The following UBA6 variants were observed in gnomAD, a reference collection of about 807,000 sequenced individuals.
UBA6 encodes ubiquitin-like modifier-activating enzyme 6.
In UBA6, 87 loss-of-function variants were observed where a neutral mutation model predicts 148.3. The ratio of observed to expected loss-of-function variants is 0.59; its 90% confidence interval spans 0.49 to 0.70. The LOEUF is 0.70. Ranked by LOEUF, UBA6 falls within the 30% of genes least tolerant of loss-of-function variation. The pLI, the probability that UBA6 is intolerant of heterozygous loss-of-function variation, is 0.00. For synonymous variants in UBA6, 376 were observed against 401.0 expected (o/e 0.94, Z 0.75); for missense variants, 1,186 against 1,241.2 (o/e 0.96, Z 0.67).
intron 28 of UBA6, 116 bp downstream of exon 28, chr4:67,626,244 C>T: frequency 1.5e-6 from 1 of 674,386 alleles, no homozygotes; most frequent in Non-Finnish European, 2.6e-6. Flanking sequence ...TGAAATCAAT[C>T]AATATTGTCA....
rs1411168792 is a variant in UBA6 at position 67,635,323 on chromosome 4, T to C, written c.1842+130A>G. The C allele has an allele frequency of 3.8e-6, 2 of 528,688 alleles. 1 individual carries two copies. Among genetic ancestry groups the C allele is most frequent in the Middle Eastern group, 7.4e-4 (2 of 2,704 alleles). The allele number at this position is 528,688 out of a possible 1,614,324, so 32.7% of individuals were successfully genotyped here. ...TCAATTATATTTTAAAAAATGTACA[T>C]GCACATATGTATGAACATCATTGGC... On this transcript the variant is annotated intron_variant, in intron 20 of 32. Coordinates refer to ENST00000322244, the MANE Select transcript of UBA6 (RefSeq NM_018227.6).
chr4:67,656,388 A>G (rs1279141332), intron 13 of UBA6, among the ~76,000 whole-genome samples: 3 of 152,356 alleles, frequency 2.0e-5, no homozygotes, highest in Admixed American at 6.5e-5. Flanking sequence ...ATGCAAATCA[A>G]TAAATGTAAT....
At chr4:67,668,756 CAA>C (rs1450537854) in intron 8 of UBA6, 82 bp from the exon 9 acceptor site, 41 of 1,341,820 alleles carry the variant, frequency 3.1e-5, no homozygotes, top group African/African-American at 2.5e-4. Flanking sequence ...GCAAAAATGA[CAA>C]AGTTACCATA....
chr4:67,655,396 C>T (rs562181195), intron 13 of UBA6, among the ~76,000 whole-genome samples: 4,468 of 152,170 alleles, frequency 0.029, 104 homozygotes, highest in Middle Eastern at 0.075. Flanking sequence ...CACTCAAAAC[C>T]GCACAACTAC....
At chr4:67,661,856 A>AT in intron 13 of UBA6, 1 of 321,714 alleles carries the variant, frequency 3.1e-6, no homozygotes, top group Non-Finnish European at 5.4e-6. Context: ...GCTAACATAT[A>AT]TAAGTTTAAG....
chr4:67,690,939 T>C (rs1730680099), intron 2 of UBA6, among the ~76,000 whole-genome samples: 1 of 152,150 alleles, frequency 6.6e-6, no homozygotes, highest in African/African-American at 2.4e-5. Flanking sequence ...AGCAATTCCA[T>C]TTTGGGTTAT....
At chr4:67,628,625 G>A (rs773531050) in intron 27 of UBA6, among the ~76,000 whole-genome samples, 3 of 151,430 alleles carry the variant, frequency 2.0e-5, no homozygotes, top group Non-Finnish European at 4.4e-5. Context: ...GTCCCTCTCC[G>A]CCCAAAATAC....
Position 67,633,406 on chromosome 4 carries a change from C to A in UBA6, c.2081G>T (p.Arg694Ile). 6.2e-7 allele frequency: 1 copy of A among 1,610,856 alleles called. No individual in the cohort carries two copies. Among genetic ancestry groups the A allele is most frequent in the Non-Finnish European group, 8.5e-7 (1 of 1,179,012 alleles). Reference protein sequence around the residue: ...QVIKLLSRRPRNWSQCVELAR... With the variant: ...QVIKLLSRRPINWSQCVELAR... ...TAATTCTACACACTGGGACCAATTT[C>A]TAGGTCTTCTGCTAAGTAACTTTAT... Residue 694 changes from arginine (R) to isoleucine (I), a missense_variant, in exon 23 of 33, where the codon AGA becomes ATA. Coordinates refer to ENST00000322244, the MANE Select transcript of UBA6 (RefSeq NM_018227.6).
At chr4:67,637,226 G>A (rs1204627789) in intron 19 of UBA6, among the ~76,000 whole-genome samples, 1 of 151,372 alleles carries the variant, frequency 6.6e-6, no homozygotes, top group Non-Finnish European at 1.5e-5. Context: ...AGGGAGGTGG[G>A]GGGCAGCACC....
rs1005868626 is a variant in UBA6, at chr4:67,615,568, T to C, written c.*3429A>G. 2.0e-5 allele frequency: 3 copies of C among 152,196 alleles called. No individual in the cohort carries two copies. The highest frequency in any genetic ancestry group is 7.2e-5 in the African/African-American group (3 of 41,450). The allele number at this position is 152,196 out of a possible 1,614,324, so 9.4% of individuals were successfully genotyped here. A position where few individuals can be genotyped will look rare whatever the true frequency, so the allele number is the denominator to read the frequency against. On this transcript the variant is annotated 3_prime_UTR_variant, in exon 33 of 33. Coordinates refer to ENST00000322244, the MANE Select transcript of UBA6 (RefSeq NM_018227.6). ...ACTCCTAAATATATACTCTTTGTAC[T>C]AGGAGTTACATAAAATGATGTTCAT...
Position 67,633,422 on chromosome 4 carries a change from G to A in UBA6, c.2065C>T (p.Leu689Phe). Residue 689 changes from leucine to phenylalanine, a missense_variant, in exon 23 of 33, where the codon CTT becomes TTT. Coordinates refer to ENST00000322244, the MANE Select transcript of UBA6 (RefSeq NM_018227.6). ...LEGCFQVIKLLSRRPRNWSQC... is the reference protein window; with the variant it reads ...LEGCFQVIKLFSRRPRNWSQC... Reference sequence around the variant, plus strand: ...GACCAATTTCTAGGTCTTCTGCTAAGTAACTTTATAACTTGAAAACAGCCT... The same window carrying A: ...GACCAATTTCTAGGTCTTCTGCTAAATAACTTTATAACTTGAAAACAGCCT... 1.9e-6 allele frequency: 3 copies of A among 1,610,254 alleles called. No homozygotes were observed. The highest frequency in any genetic ancestry group is 2.2e-5 in the South Asian group (2 of 90,562).
At chr4:67,656,044 T>A (rs1729681377) in intron 13 of UBA6, among the ~76,000 whole-genome samples, 1 of 152,058 alleles carries the variant, frequency 6.6e-6, no homozygotes, top group Non-Finnish European at 1.5e-5. Flanking sequence ...GGGCAATAAT[T>A]AATAGCCTAC....
Position 67,616,392 on chromosome 4 carries a change from AATGTTCC to A in UBA6, c.*2598_*2604del, listed in dbSNP as rs1728627194. The A allele has an allele frequency of 6.0e-6, 2 of 330,808 alleles. No individual in the cohort carries two copies. The highest frequency in any genetic ancestry group is 1.1e-5 in the Non-Finnish European group (2 of 184,086). 20.5% of individuals were successfully genotyped at this position (330,808 alleles called of 1,614,324 possible). A position where few individuals can be genotyped will look rare whatever the true frequency, so the allele number is the denominator to read the frequency against. Reference sequence around the variant, plus strand: ...ATAAAATAAACATAGTTGCTTTTTTAATGTTCCATGAATATCACCAGAGTGTGACATA... The same window carrying A: ...ATAAAATAAACATAGTTGCTTTTTTAATGAATATCACCAGAGTGTGACATA... On this transcript the variant is annotated 3_prime_UTR_variant, in exon 33 of 33. Coordinates refer to ENST00000322244, the MANE Select transcript of UBA6 (RefSeq NM_018227.6).
chr4:67,641,011 T>C (rs889986441), intron 18 of UBA6, 140 bp downstream of exon 18: 11 of 632,102 alleles, frequency 1.7e-5, no homozygotes, highest in Non-Finnish European at 2.7e-5. Context: ...ATATTTTCCC[T>C]TTTGTCATTT....
chr4:67,687,123 C>A (rs1730591499), intron 2 of UBA6, among the ~76,000 whole-genome samples: 1 of 146,590 alleles, frequency 6.8e-6, no homozygotes, highest in Admixed American at 6.9e-5. Context: ...GCAACCTCTG[C>A]CTCCCGGGTT....
chr4:67,678,357 C>A, intron 5 of UBA6, 82 bp downstream of exon 5: 1 of 769,888 alleles, frequency 1.3e-6, no homozygotes, highest in Non-Finnish European at 2.0e-6. Context: ...ACAACTATGA[C>A]TGATTGGTGT....
rs182475039 is a variant in UBA6 at position 67,614,974 on chromosome 4, G to C, written c.*4023C>G. On this transcript the variant is annotated 3_prime_UTR_variant, in exon 33 of 33. Coordinates refer to ENST00000322244, the MANE Select transcript of UBA6 (RefSeq NM_018227.6). ...AATACTCAACTTCACAGGTAATAGA[G>C]AAATGCAGAGTGACACTTCAATGAG... is the stretch of plus-strand genomic sequence containing the variant. 5.3e-5 allele frequency: 8 copies of C among 152,292 alleles called. No individual in the cohort carries two copies. The East Asian group carries it at 1.4e-3, about 26-fold the overall frequency. The allele number at this position is 152,292 out of a possible 1,614,324, so 9.4% of individuals were successfully genotyped here. A position where few individuals can be genotyped will look rare whatever the true frequency, so the allele number is the denominator to read the frequency against.
Position 67,665,250 on chromosome 4 carries a change from A to T in UBA6, c.836T>A (p.Leu279Gln). The T allele has an allele frequency of 6.2e-7, 1 of 1,606,834 alleles. No individual in the cohort carries two copies. The highest frequency in any genetic ancestry group is 8.5e-7 in the Non-Finnish European group (1 of 1,177,954). ...FSFSIGDTTELEPYLHGGIAV... is the reference protein window; with the variant it reads ...FSFSIGDTTEQEPYLHGGIAV... ...TATGCCTCCATGTAAATATGGTTCCAGTTCTGTGGTGTCACCAATACTAAA... is the reference window on the plus strand; with the variant it reads ...TATGCCTCCATGTAAATATGGTTCCTGTTCTGTGGTGTCACCAATACTAAA... The change falls in exon 10 of 33, where the codon CTG becomes CAG. Residue 279 changes from leucine to glutamine, a missense_variant. Leu to Gln is a moderately radical substitution (Grantham distance 113). Coordinates refer to ENST00000322244, the MANE Select transcript of UBA6 (RefSeq NM_018227.6).
At chr4:67,632,633 T>C (rs354864) in intron 23 of UBA6, among the ~76,000 whole-genome samples, 36,341 of 151,982 alleles carry the variant, frequency 0.24, 4,472 homozygotes, top group Middle Eastern at 0.3. Flanking sequence ...AGTGGTAACA[T>C]TGAGTAGTAC....
Sources: gnomAD v4.1 joint callset for allele counts (sites outside exome capture counted in the v4.1 genomes callset) on GRCh38, gnomAD v4.1.1 for gene constraint, MANE v1.5 for transcripts, NCBI Gene and HGNC (gene_info 2026-07-23, HGNC 2026-07-21) for gene names.